Variants in NT5DC3 observed in about 807,000 individuals in gnomAD.
NT5DC3 encodes the protein 5'-nucleotidase domain-containing protein 3.
A neutral mutation model predicts 67.8 loss-of-function variants in NT5DC3; 42 were observed. That is an observed-to-expected ratio of 0.62 (90% CI 0.48 to 0.80). The LOEUF is 0.80. NT5DC3 is among the 30% of genes least tolerant of loss of function. NT5DC3 has a pLI of 0.00. For missense variants in NT5DC3, 570 were observed against 696.4 expected, an observed-to-expected ratio of 0.82 and a Z score of 2.04; for synonymous variants, 237 against 255.6, an observed-to-expected ratio of 0.93 and a Z score of 0.69.
chr12:103,748,892 C>T, the NT5DC3 span: 7,016 of 1,521,650 alleles, frequency 4.6e-3, 231 homozygotes, highest in East Asian at 0.073. Flanking sequence ...CTGTGGTGCC[C>T]CATACCCTGA....
the NT5DC3 span, chr12:103,755,520 C>A: frequency 1.4e-5 from 23 of 1,608,152 alleles, no homozygotes; most frequent in Non-Finnish European, 1.8e-5. Flanking sequence ...GCTGAGCAAT[C>A]CTCAGCCTGG....
intron 6 of NT5DC3, among the ~76,000 whole-genome samples, chr12:103,795,690 T>G (rs1233882209): frequency 2.0e-5 from 3 of 151,986 alleles, no homozygotes; most frequent in Non-Finnish European, 4.4e-5. Context: ...CACATATTTT[T>G]ATAAATATGT....
downstream of NT5DC3, among the ~76,000 whole-genome samples, chr12:103,767,937 T>C (rs1354136682): frequency 1.3e-5 from 2 of 148,432 alleles, no homozygotes; most frequent in African/African-American, 5.0e-5. Flanking sequence ...AAAAAAAAAA[T>C]AATAGCTGGG....
chr12:103,751,934 T>G, the NT5DC3 span, among the ~76,000 whole-genome samples: 1 of 143,812 alleles, frequency 7.0e-6, no homozygotes. Context: ...CAGCTTTCCC[T>G]ATAGGCACAG....
At chr12:103,794,113 C>T in intron 6 of NT5DC3, 116 bp from the exon 7 acceptor site, 1 of 737,912 alleles carries the variant, frequency 1.4e-6, no homozygotes, top group Non-Finnish European at 2.3e-6. Flanking sequence ...ACAATCCAGG[C>T]CCTACACAAA....
At chr12:103,834,939 C>T (rs1386955721) in intron 1 of NT5DC3, among the ~76,000 whole-genome samples, 5 of 152,174 alleles carry the variant, frequency 3.3e-5, no homozygotes, top group African/African-American at 9.6e-5. Context: ...ATGAATTCAT[C>T]GGTACTTCTT....
intron 11 of NT5DC3, among the ~76,000 whole-genome samples, chr12:103,786,681 A>ATTTTTTTTTTTTTTTTTTTTTTTTT (rs3036176): frequency 7.6e-6 from 1 of 132,366 alleles, no homozygotes; most frequent in Non-Finnish European, 1.6e-5. Context: ...CACTGGTTTG[A>ATTTTTTTTTTTTTTTTTTTTTTTTT]TTTTTTTTTT....
chr12:103,829,613 A>T (rs1056319466), intron 1 of NT5DC3, among the ~76,000 whole-genome samples: 1 of 152,158 alleles, frequency 6.6e-6, no homozygotes, highest in Non-Finnish European at 1.5e-5. Flanking sequence ...GTTTATCATG[A>T]TTATTAATAT....
intron 1 of NT5DC3, among the ~76,000 whole-genome samples, chr12:103,833,822 G>C (rs4964567): frequency 0.18 from 27,568 of 151,964 alleles, 2,608 homozygotes; most frequent in Middle Eastern, 0.31. Context: ...GACAGGCCAA[G>C]TATCTGATGA....
intron 1 of NT5DC3, among the ~76,000 whole-genome samples, chr12:103,823,188 A>G (rs1019705242): frequency 6.6e-6 from 1 of 151,706 alleles, no homozygotes; most frequent in Non-Finnish European, 1.5e-5. Context: ...AAGAAATGGA[A>G]GAGGTGAAAA....
chr12:103,762,987 T>C, the NT5DC3 span, among the ~76,000 whole-genome samples: 2 of 152,146 alleles, frequency 1.3e-5, no homozygotes, highest in African/African-American at 4.8e-5. Flanking sequence ...GCCCACCCTC[T>C]CCTCAAAACA....
downstream of NT5DC3, chr12:103,766,712 G>GAAAC (rs1469411914): frequency 1.2e-4 from 22 of 184,324 alleles, no homozygotes; most frequent in South Asian, 2.7e-3. Flanking sequence ...TTATGGAACA[G>GAAAC]AAACAAAGTC....
In NT5DC3 at chr12:103,785,443, A is replaced by G; in HGVS notation, c.1221T>C (p.Gly407=). Residue 407 remains glycine (G), a synonymous_variant, in exon 12 of 14, where the codon GGT becomes GGC. Transcript: ENST00000392876. Reference sequence around the variant, plus strand: ...CAGATCTCAACTCTGGGATGATTGCACCAGTCCTCCAGCCATGCTTTAGGG... The same window carrying G: ...CAGATCTCAACTCTGGGATGATTGCGCCAGTCCTCCAGCCATGCTTTAGGG... ...DLTLKHGWRT[G]AIIPELRSEL... The G allele has an allele frequency of 1.2e-6, 2 of 1,614,080 alleles. No individual in the cohort carries two copies. The highest frequency in any genetic ancestry group is 1.7e-6 in the Non-Finnish European group (2 of 1,179,942).
intron 2 of NT5DC3, among the ~76,000 whole-genome samples, chr12:103,813,657 AC>A (rs1273417216): frequency 6.6e-6 from 1 of 152,186 alleles, no homozygotes; most frequent in African/African-American, 2.4e-5. Context: ...CTCTAGCCAG[AC>A]CCCACCTGGG....
At chr12:103,762,616 T>C in the NT5DC3 span, among the ~76,000 whole-genome samples, 3 of 152,174 alleles carry the variant, frequency 2.0e-5, no homozygotes, top group Non-Finnish European at 4.4e-5. Flanking sequence ...AAGCCCCTCC[T>C]TCTGGCTGAG....
Position 103,809,377 on chromosome 12 carries a change from T to C in NT5DC3, c.394-2448A>G, listed in dbSNP as rs141300575. ...CACTCACATTCCGCTTGCCTCTCACTCTCAATGTTATTCTTGGGGAGCCAC... is the reference window on the plus strand; with the variant it reads ...CACTCACATTCCGCTTGCCTCTCACCCTCAATGTTATTCTTGGGGAGCCAC... On this transcript the variant is annotated intron_variant, in intron 2 of 13. Transcript: ENST00000392876. 9.5e-3 allele frequency among the ~76,000 whole-genome samples: 1,448 copies of C among 152,316 alleles called. 14 individuals carry two copies. The highest frequency in any genetic ancestry group is 0.016 in the Non-Finnish European group (1,065 of 68,024).
chr12:103,836,235 C>A (rs563720840), intron 1 of NT5DC3, among the ~76,000 whole-genome samples: 87 of 152,318 alleles, frequency 5.7e-4, no homozygotes, highest in African/African-American at 2.1e-3. Context: ...GCCTTCCCAA[C>A]AGTACCCCAA....
chr12:103,762,928 C>T, the NT5DC3 span, among the ~76,000 whole-genome samples: 1 of 152,198 alleles, frequency 6.6e-6, no homozygotes, highest in Admixed American at 6.5e-5. Context: ...GCCGGGGCAG[C>T]AGCACAGCGG....
chr12:103,772,611 G>A lies in NT5DC3; in HGVS notation c.*5218C>T, dbSNP rs1885213193. On this transcript the variant is annotated 3_prime_UTR_variant, in exon 14 of 14. Transcript: ENST00000392876. Reference sequence around the variant, plus strand: ...GAAGGTTCATAGGACAGTGCTGTGGGCTGAGCCGGCTGGGTACAGGCTTGT... The same window carrying A: ...GAAGGTTCATAGGACAGTGCTGTGGACTGAGCCGGCTGGGTACAGGCTTGT... 2.0e-5 allele frequency: 3 copies of A among 152,434 alleles called. No individual in the cohort carries two copies. Among genetic ancestry groups the A allele is most frequent in the Admixed American group, 2.0e-4 (3 of 15,286 alleles). The allele number at this position is 152,434 out of a possible 1,614,324, so 9.4% of individuals were successfully genotyped here. A position where few individuals can be genotyped will look rare whatever the true frequency, so the allele number is the denominator to read the frequency against.
Sources: gnomAD v4.1 joint callset for allele counts (sites outside exome capture counted in the v4.1 genomes callset) on GRCh38, gnomAD v4.1.1 for gene constraint, MANE v1.5 for transcripts, NCBI Gene and HGNC (gene_info 2026-07-23, HGNC 2026-07-21) for gene names.